Variants in SLC47A2 observed in about 807,000 individuals in gnomAD.
SLC47A2 encodes solute carrier family 47 member 2.
Under a neutral mutation model 67.7 loss-of-function variants are expected in SLC47A2, and 52 were observed. That is an observed-to-expected ratio of 0.77 (90% CI 0.61 to 0.97). SLC47A2 has a LOEUF of 0.97. Among genes scored for constraint, SLC47A2 ranks in the 50% least tolerant of loss-of-function variants. The probability of loss-of-function intolerance (pLI) is 0.00; values close to 1 mark genes in which losing one functional copy is unlikely to be tolerated. For synonymous variants in SLC47A2, 278 were observed against 292.9 expected, an observed-to-expected ratio of 0.95 and a Z score of 0.52; for missense variants, 676 against 712.3, an observed-to-expected ratio of 0.95 and a Z score of 0.58.
At chr17:19,679,172 G>A (rs74663806) in intron 16 of SLC47A2, among the ~76,000 whole-genome samples, 108 of 152,298 alleles carry the variant, frequency 7.1e-4, no homozygotes, top group Admixed American at 1.1e-3. Flanking sequence ...TCTTGTCAAC[G>A]CTTGGCCCTG....
At chr17:19,688,971 TCCTC>T (rs1567618516) in intron 13 of SLC47A2, among the ~76,000 whole-genome samples, 1 of 151,962 alleles carries the variant, frequency 6.6e-6, no homozygotes, top group Non-Finnish European at 1.5e-5. Context: ...GCTCAAGCAG[TCCTC>T]CCACCTCAGC....
At chr17:19,709,481 G>A (rs552889945) in intron 5 of SLC47A2, among the ~76,000 whole-genome samples, 2 of 152,278 alleles carry the variant, frequency 1.3e-5, no homozygotes, top group African/African-American at 4.8e-5. Flanking sequence ...GGAATAGACC[G>A]GGTTTAATTC....
chr17:19,687,401 C>A (rs967736937), intron 13 of SLC47A2, among the ~76,000 whole-genome samples: 1 of 151,796 alleles, frequency 6.6e-6, no homozygotes, highest in Non-Finnish European at 1.5e-5. Flanking sequence ...GAAAACCAAA[C>A]CCAAAATTAG....
Position 19,693,696 on chromosome 17 carries a change from G to A in SLC47A2, c.1164+8909C>T, listed in dbSNP as rs1370813425. Reference sequence around the variant, plus strand: ...GCCTGTAGTCCCAGCTACTTGGGAGGCTGAGGCAGGAGACTCGCTTGAACT... The same window carrying A: ...GCCTGTAGTCCCAGCTACTTGGGAGACTGAGGCAGGAGACTCGCTTGAACT... On this transcript the variant is annotated intron_variant, in intron 13 of 16. Coordinates refer to ENST00000433844, the MANE Select transcript of SLC47A2 (RefSeq NM_001099646.3). Among the ~76,000 whole-genome samples the A allele has an allele frequency of 2.0e-5, 3 of 152,050 alleles. No individual in the cohort carries two copies. In the East Asian group the frequency reaches 5.8e-4, roughly 29 times the overall value.
intron 13 of SLC47A2, among the ~76,000 whole-genome samples, chr17:19,688,990 C>G (rs765059314): frequency 1.3e-5 from 2 of 152,054 alleles, no homozygotes; most frequent in Non-Finnish European, 2.9e-5. Flanking sequence ...CTCAGCCTCT[C>G]AAGTAGTTAG....
In SLC47A2 at chr17:19,678,786, G is replaced by A; in HGVS notation, c.1601C>T (p.Ser534Leu). The A allele has an allele frequency of 6.2e-7, 1 of 1,614,246 alleles. No individual in the cohort carries two copies. Among genetic ancestry groups the A allele is most frequent in the South Asian group, 1.1e-5 (1 of 91,092 alleles). ...HALSAPTSRLSVKQLVIRRGA... is the reference protein window; with the variant it reads ...HALSAPTSRLLVKQLVIRRGA... The stretch of plus-strand genomic sequence containing the variant: ...ACGGCGGATGACCAGCTGTTTCACT[G>A]ATAGTCTGCTGGTAGGAGCTGAAAG... The change falls in exon 17 of 17, where the codon TCA becomes TTA. Residue 534 changes from serine (S) to leucine (L), a missense_variant. Transcript: ENST00000433844.
intron 6 of SLC47A2, 144 bp downstream of exon 6, chr17:19,708,572 G>A (rs768776512): frequency 1.2e-6 from 2 of 1,604,304 alleles, no homozygotes; most frequent in Non-Finnish European, 1.7e-6. Context: ...GGGAGGTCAG[G>A]ATATGGCAGG....
chr17:19,708,637 G>A, intron 6 of SLC47A2, 79 bp downstream of exon 6: 2 of 1,601,040 alleles, frequency 1.2e-6, no homozygotes, highest in Non-Finnish European at 1.7e-6. Flanking sequence ...GAGAGAAGGG[G>A]AAAGCCCCAG....
At position 19,685,423 on chromosome 17, in the gene SLC47A2, C is replaced by T. The variant is rs2085405879; in HGVS notation, c.1165-3753G>A. 6.6e-6 allele frequency among the ~76,000 whole-genome samples: 1 copy of T among 151,538 alleles called. No homozygotes were observed. The highest frequency in any genetic ancestry group is 6.6e-5 in the Admixed American group (1 of 15,204). ...GGAGCGTCTCTGCCTGGCCGCCCAT[C>T]ATCTGGGATGTGAGGAGCCCCTCTG... On this transcript the variant is annotated intron_variant, in intron 13 of 16. Coordinates refer to ENST00000433844, the MANE Select transcript of SLC47A2 (RefSeq NM_001099646.3). The surrounding 1 kb of genome is among the most constrained non-coding windows in gnomAD (Gnocchi z 4.5).
chr17:19,684,278 C>T (rs971303548), intron 13 of SLC47A2, among the ~76,000 whole-genome samples: 11 of 152,124 alleles, frequency 7.2e-5, no homozygotes, highest in African/African-American at 2.7e-4. Flanking sequence ...ATTAGAGATG[C>T]CTGCCAGAAA....
chr17:19,693,668 C>T (rs1034801499), intron 13 of SLC47A2, among the ~76,000 whole-genome samples: 21 of 151,776 alleles, frequency 1.4e-4, no homozygotes, highest in Admixed American at 1.2e-3. Flanking sequence ...CACGGAGTTG[C>T]GTGCCTGTAG....
At chr17:19,695,321 A>G (rs984885222) in intron 13 of SLC47A2, among the ~76,000 whole-genome samples, 5 of 152,016 alleles carry the variant, frequency 3.3e-5, no homozygotes, top group African/African-American at 1.2e-4. Context: ...TGAAATGTTT[A>G]CATATATACA....
intron 13 of SLC47A2, among the ~76,000 whole-genome samples, chr17:19,689,599 A>T (rs76418519): frequency 0.02 from 3,087 of 152,080 alleles, 89 homozygotes; most frequent in African/African-American, 0.064. Flanking sequence ...CAGGAGGCTG[A>T]AGTGAGAGGA....
upstream of SLC47A2, chr17:19,716,634 G>A (rs960678574): frequency 3.4e-6 from 5 of 1,476,120 alleles, no homozygotes; most frequent in African/African-American, 1.4e-5. Flanking sequence ...CCCCCTGCCT[G>A]GGCAGCCCGT....
chr17:19,706,233 C>A (rs1292182708), intron 9 of SLC47A2, among the ~76,000 whole-genome samples: 6 of 152,216 alleles, frequency 3.9e-5, no homozygotes, highest in African/African-American at 1.4e-4. Flanking sequence ...ACCGAGTGCT[C>A]TAATGAGCAC....
At chr17:19,681,827 T>G (rs2085322599) in intron 13 of SLC47A2, among the ~76,000 whole-genome samples, 157 bp from the exon 14 acceptor site, 1 of 152,142 alleles carries the variant, frequency 6.6e-6, no homozygotes, top group Non-Finnish European at 1.5e-5. Flanking sequence ...TCCCTGAGGG[T>G]GGCTGTCCAA....
chr17:19,703,149 A>C lies in SLC47A2; in HGVS notation c.1037T>G (p.Leu346Arg). The change falls in exon 12 of 17, where the codon CTG (leucine) becomes CGG (arginine). Residue 346 changes from leucine to arginine, a missense_variant. Coordinates refer to ENST00000433844, the MANE Select transcript of SLC47A2 (RefSeq NM_001099646.3). ...VLSIVGISLV[L>R]GTLISILKNQ... is the part of the protein sequence containing the mutation. ...TTTCAGGATGCTTATCAGGGTGCCC[A>C]GGACCAGGGAAATGCCAACTGGAAG... The C allele has an allele frequency of 6.2e-7, 1 of 1,614,190 alleles. No homozygotes were observed. Among genetic ancestry groups the C allele is most frequent in the Non-Finnish European group, 8.5e-7 (1 of 1,180,028 alleles).
chr17:19,701,758 A>T (rs775858994), intron 13 of SLC47A2, among the ~76,000 whole-genome samples: 14 of 152,092 alleles, frequency 9.2e-5, no homozygotes, highest in Non-Finnish European at 1.6e-4. Flanking sequence ...ATATGGGAGG[A>T]TCACTTGAGC....
chr17:19,699,799 A>G (rs1341889598), intron 13 of SLC47A2, among the ~76,000 whole-genome samples: 2 of 152,236 alleles, frequency 1.3e-5, no homozygotes, highest in Non-Finnish European at 2.9e-5. Flanking sequence ...AAAGAAATGA[A>G]AACAAATCCA....
Sources: gnomAD v4.1 joint callset for allele counts (sites outside exome capture counted in the v4.1 genomes callset) on GRCh38, gnomAD v4.1.1 for gene constraint, Gnocchi (gnomAD v3.1) non-coding constraint, MANE v1.5 for transcripts, NCBI Gene and HGNC (gene_info 2026-07-23, HGNC 2026-07-21) for gene names.